CLEC12A: variants seen among roughly 807,000 people sequenced by gnomAD.
The protein encoded by CLEC12A is C-type lectin protein CLL-1.
CLEC12A carries 22 observed loss-of-function variants against 26.5 expected under a neutral mutation model. The ratio of observed to expected loss-of-function variants is 0.83; its 90% CI spans 0.59 to 1.19. The LOEUF is 1.19. Among genes scored for constraint, CLEC12A ranks in the 50% most tolerant of loss-of-function variants. CLEC12A has a pLI of 0.00. For synonymous variants in CLEC12A, 119 were observed against 101.9 expected, an observed-to-expected ratio of 1.17 and a Z score of -1.01; for missense variants, 353 against 315.6, an observed-to-expected ratio of 1.12 and a Z score of -0.90.
chr12:9,968,503 A>G (rs1010109886), upstream of CLEC12A, among the ~76,000 whole-genome samples: 1 of 152,204 alleles, frequency 6.6e-6, no homozygotes, highest in African/African-American at 2.4e-5. Flanking sequence ...CTTTTGAGCC[A>G]AGATGAGCCA....
downstream of CLEC12A, among the ~76,000 whole-genome samples, chr12:9,986,550 C>G (rs1015636246): frequency 6.6e-6 from 1 of 152,018 alleles, no homozygotes; most frequent in East Asian, 1.9e-4. Flanking sequence ...GTGGCTTATG[C>G]CTGTAATCCC....
upstream of CLEC12A, among the ~76,000 whole-genome samples, chr12:9,967,901 G>C (rs1183763569): frequency 6.6e-6 from 1 of 152,260 alleles, no homozygotes; most frequent in Admixed American, 6.5e-5. Flanking sequence ...AATCAGGCAG[G>C]CATCCCTGCC....
At chr12:9,971,921 T>A (rs986469818) in intron 1 of CLEC12A, among the ~76,000 whole-genome samples, 2 of 152,166 alleles carry the variant, frequency 1.3e-5, no homozygotes, top group Admixed American at 1.3e-4. Flanking sequence ...AAATTTTTTA[T>A]TATCACACTC....
chr12:9,991,433 T>C (rs1027926289), intron 4 of CLEC12A: 1 of 152,138 alleles, frequency 6.6e-6, no homozygotes, highest in African/African-American at 2.4e-5. Context: ...GTTTTTCCAT[T>C]TTAGGGAGAT....
chr12:9,958,999 CTT>C (rs1360715883), intron 1 of CLEC12A, among the ~76,000 whole-genome samples: 1 of 152,192 alleles, frequency 6.6e-6, no homozygotes, highest in East Asian at 1.9e-4. Flanking sequence ...CTCTGGAAGA[CTT>C]TGTAATTTTG....
At chr12:9,973,914 A>C (rs1262602764) in intron 1 of CLEC12A, among the ~76,000 whole-genome samples, 2 of 152,070 alleles carry the variant, frequency 1.3e-5, no homozygotes, top group Non-Finnish European at 2.9e-5. Context: ...CTCCTTTTAT[A>C]ACAAAACACA....
chr12:9,990,101 G>A (rs1016287918), downstream of CLEC12A, among the ~76,000 whole-genome samples: 5 of 151,986 alleles, frequency 3.3e-5, no homozygotes, highest in African/African-American at 1.2e-4. Flanking sequence ...TCACCCAAGA[G>A]CTCTTATAGA....
downstream of CLEC12A, chr12:9,998,998 T>A (rs564436612): frequency 1.3e-5 from 15 of 1,187,178 alleles, no homozygotes; most frequent in Middle Eastern, 1.9e-4. Context: ...ACTCATTTTT[T>A]AAATTAATTT....
intron 4 of CLEC12A, chr12:9,991,185 G>A (rs1433360069): frequency 6.6e-6 from 1 of 152,124 alleles, no homozygotes; most frequent in African/African-American, 2.4e-5. Flanking sequence ...GAAGACAGAA[G>A]TCAAATTTTG....
intron 1 of CLEC12A, among the ~76,000 whole-genome samples, chr12:9,955,378 T>C (rs1000305193): frequency 1.3e-5 from 2 of 152,206 alleles, no homozygotes; most frequent in African/African-American, 2.4e-5. Context: ...TAAGCAATCA[T>C]GCCCAGCCAA....
At chr12:10,006,049 A>G in the CLEC12A span, among the ~76,000 whole-genome samples, 2 of 152,218 alleles carry the variant, frequency 1.3e-5, no homozygotes, top group South Asian at 2.1e-4. Context: ...TTCTAAATCA[A>G]TAATACTTCC....
chr12:9,966,955 A>G (rs71441779), upstream of CLEC12A, among the ~76,000 whole-genome samples: 77,994 of 139,596 alleles, frequency 0.56, 22,367 homozygotes, highest in South Asian at 0.7. Flanking sequence ...AGAAAAAGGA[A>G]CATTAACCTT....
rs78359167 is a variant in CLEC12A, at chr12:9,985,077, A to G, written c.*51A>G. 1,374 of 1,331,388 alleles carry G rather than the reference A, an allele frequency of 1.0e-3. 13 individuals carry two copies. The African/African-American group carries it at 0.019, about 19-fold the overall frequency. The allele number at this position is 1,331,388 out of a possible 1,614,324, so 82.5% of individuals were successfully genotyped here. A position where few individuals can be genotyped will look rare whatever the true frequency, so the allele number is the denominator to read the frequency against. ...GTGTAGGGGGTGGGGGTTCTAGGCTATAGGTAAATTTAAATATTTTCTGGT... is the reference window on the plus strand; with the variant it reads ...GTGTAGGGGGTGGGGGTTCTAGGCTGTAGGTAAATTTAAATATTTTCTGGT... On this transcript the variant is annotated 3_prime_UTR_variant, in exon 6 of 6. Coordinates refer to ENST00000304361, the MANE Select transcript of CLEC12A (RefSeq NM_138337.6).
chr12:9,994,589 T>C (rs1333584194), intron 4 of CLEC12A, among the ~76,000 whole-genome samples: 1 of 152,068 alleles, frequency 6.6e-6, no homozygotes, highest in East Asian at 1.9e-4. Flanking sequence ...TCCCTTTGCC[T>C]GGATTGTTTG....
chr12:9,958,496 A>T (rs1172140515), intron 1 of CLEC12A, among the ~76,000 whole-genome samples: 1 of 152,220 alleles, frequency 6.6e-6, no homozygotes, highest in Admixed American at 6.5e-5. Context: ...CTTTATAATG[A>T]TGTGGCAGGC....
At chr12:9,989,364 AAT>A (rs1357483648), downstream of CLEC12A, among the ~76,000 whole-genome samples, 1 of 20,364 alleles carries the variant, frequency 4.9e-5, no homozygotes, top group Non-Finnish European at 9.0e-5. Context: ...AAAGTATAAT[AAT>A]AAAAAAAAAG....
chr12:9,978,338 T>C (rs1164559685), intron 1 of CLEC12A, among the ~76,000 whole-genome samples: 3 of 151,968 alleles, frequency 2.0e-5, no homozygotes, highest in African/African-American at 4.8e-5. Context: ...AAAAAGGAAG[T>C]ATTCAATAAA....
intron 4 of CLEC12A, chr12:9,993,110 C>T: frequency 6.3e-7 from 1 of 1,585,064 alleles, no homozygotes; most frequent in Non-Finnish European, 8.6e-7. Context: ...ACAATAAAGC[C>T]CTTATCTGTG....
chr12:9,962,829 C>T (rs2594103), intron 1 of CLEC12A, among the ~76,000 whole-genome samples: 49,002 of 151,970 alleles, frequency 0.32, 8,450 homozygotes, highest in East Asian at 0.46. Context: ...TTAGCTTGGG[C>T]TCAGAGGCCT....
Sources: allele counts gnomAD v4.1 joint callset (sites outside exome capture counted in the v4.1 genomes callset), GRCh38; gene constraint gnomAD v4.1.1; transcripts MANE v1.5; gene names NCBI Gene and HGNC (gene_info 2026-07-23, HGNC 2026-07-21).